Variants in CIZ1 observed in about 807,000 individuals in gnomAD.
CIZ1 encodes the protein cip1-interacting zinc finger protein.
A neutral mutation model predicts 118.6 loss-of-function variants in CIZ1; 58 were observed. That is an observed-to-expected ratio of 0.49 (90% confidence interval 0.40 to 0.61). The LOEUF (loss-of-function observed/expected upper bound fraction) is 0.61. Among genes scored for constraint, CIZ1 ranks in the 20% least tolerant of loss-of-function variants. The probability of loss-of-function intolerance (pLI) is 0.00; values close to 1 mark genes in which losing one functional copy is unlikely to be tolerated. For synonymous variants in CIZ1, 448 were observed against 443.4 expected (o/e 1.01, Z -0.13); for missense variants, 921 against 1,115.9 (o/e 0.83, Z 2.49).
At chr9:128,181,842 G>A in intron 5 of CIZ1, among the ~76,000 whole-genome samples, 1 of 151,862 alleles carries the variant, frequency 6.6e-6, no homozygotes, top group Non-Finnish European at 1.5e-5. Flanking sequence ...TGGAGGGCCT[G>A]ACATCAGTCA....
chr9:128,167,086 G>C lies in CIZ1; in HGVS notation c.2365+9C>G. On this transcript the variant is annotated intron_variant, in intron 15 of 16. Transcript: ENST00000372938. The stretch of plus-strand genomic sequence containing the variant: ...GCTCCTGCAGGTGGGCTCAGAGCTG[G>C]GGCCTTACCATATGCAGTATTGGGG... The C allele has an allele frequency of 6.3e-7, 1 of 1,593,940 alleles. No homozygotes were observed. Among genetic ancestry groups the C allele is most frequent in the South Asian group, 1.1e-5 (1 of 88,086 alleles).
intron 11 of CIZ1, among the ~76,000 whole-genome samples, chr9:128,172,143 G>T (rs1209572654): frequency 3.1e-5 from 2 of 64,794 alleles, no homozygotes; most frequent in Admixed American, 3.0e-4. Context: ...GTGAGACACT[G>T]TCTCAAAAAA....
chr9:128,174,746 G>A (rs1392441356), intron 11 of CIZ1, among the ~76,000 whole-genome samples: 4 of 150,998 alleles, frequency 2.6e-5, no homozygotes, highest in African/African-American at 7.3e-5. Context: ...TGCAACCTCC[G>A]CCCCCAGGTT....
At chr9:128,191,642 G>T (rs1833169848), upstream of CIZ1, 1 of 1,227,466 alleles carries the variant, frequency 8.1e-7, no homozygotes, top group East Asian at 3.3e-5. The surrounding 1 kb of genome is among the most constrained non-coding windows in gnomAD (Gnocchi z 5.5). Context: ...GCCTCCGGCC[G>T]CGCCACCCGA....
rs1833021595 is a variant in CIZ1, at chr9:128,190,668, C to T, written c.170+20G>A. ...CTGAGTAGCAAGGCTGAAGCCATCG[C>T]GCCCGAGAGGGGAACTCACCGGCTG... is the stretch of plus-strand genomic sequence containing the variant. On this transcript the variant is annotated intron_variant, in intron 2 of 16. Transcript: ENST00000372938. 3 of 1,547,666 alleles carry T rather than the reference C, an allele frequency of 1.9e-6. No individual in the cohort carries two copies. Among genetic ancestry groups the T allele is most frequent in the Non-Finnish European group, 2.6e-6 (3 of 1,147,818 alleles).
At position 128,179,509 on chromosome 9, in the gene CIZ1, G is replaced by A. The variant is rs767920787; in HGVS notation, c.792-94C>T. 44 of 1,169,714 alleles carry A rather than the reference G, an allele frequency of 3.8e-5. No homozygotes were observed. The Admixed American group carries it at 4.2e-4, about 11-fold the overall frequency. 72.5% of individuals were successfully genotyped at this position (1,169,714 alleles called of 1,614,324 possible). ...AAAACTAGGCCGAGCGTGGTGGCTC[G>A]CATCTGTAAACCCAGCACTTTGGGA... On this transcript the variant is annotated intron_variant, in intron 7 of 16. Transcript: ENST00000372938.
chr9:128,197,151 C>T (rs1175506539), intron 1 of CIZ1: 1 of 152,230 alleles, frequency 6.6e-6, no homozygotes, highest in African/African-American at 2.4e-5. Flanking sequence ...TCCTTGGGAC[C>T]CAGCTCAGAA....
chr9:128,171,630 G>A (rs1034876197), intron 11 of CIZ1, among the ~76,000 whole-genome samples: 9 of 151,638 alleles, frequency 5.9e-5, no homozygotes, highest in African/African-American at 9.7e-5. Flanking sequence ...CCAGCTACTC[G>A]GGAGGCTGAG....
At chr9:128,188,845 C>A (rs1832772827) in intron 3 of CIZ1, among the ~76,000 whole-genome samples, 1 of 151,510 alleles carries the variant, frequency 6.6e-6, no homozygotes, top group Admixed American at 6.6e-5. Flanking sequence ...TGTTGCTGGG[C>A]TGGAGTACGG....
rs1379050382 is a variant in CIZ1 at position 128,177,710 on chromosome 9, G to A, written c.1674C>T (p.Ser558=). ...LKVTILQSSD[S]RAFSTVPLTP... The stretch of plus-strand genomic sequence containing the variant: ...TCAGGGGTACAGTGCTAAAGGCCCG[G>A]CTGTCACTGCTCTGCAGAATGGTGA... Residue 558 remains serine, a synonymous_variant, in exon 10 of 17, where the codon AGC becomes AGT. Coordinates refer to ENST00000372938, the MANE Select transcript of CIZ1 (RefSeq NM_001131016.2). The A allele has an allele frequency of 2.5e-6, 4 of 1,607,410 alleles. No individual in the cohort carries two copies. The highest frequency in any genetic ancestry group is 1.1e-5 in the South Asian group (1 of 89,738).
chr9:128,177,542 C>CCCCCCGAAAA, intron 10 of CIZ1, 24 bp downstream of exon 10: 4 of 1,229,498 alleles, frequency 3.3e-6, no homozygotes, highest in Non-Finnish European at 3.3e-6. Flanking sequence ...CACCCCTCCC[C>CCCCCCGAAAA]ACCCTTATCT....
At chr9:128,194,615 G>A (rs1220875011), upstream of CIZ1, among the ~76,000 whole-genome samples, 1 of 151,494 alleles carries the variant, frequency 6.6e-6, no homozygotes. Flanking sequence ...TCAGGAGTTC[G>A]AGACCAGCCT....
upstream of CIZ1, chr9:128,191,859 C>A: frequency 6.8e-7 from 1 of 1,475,282 alleles, no homozygotes; most frequent in Middle Eastern, 1.7e-4. This position sits in a 1 kb window ranked among gnomAD's most constrained non-coding sequence, Gnocchi z 5.5. Flanking sequence ...ACCCACCTCC[C>A]TGCGGCCGCC....
chr9:128,170,163 C>T lies in CIZ1; in HGVS notation c.1944-56G>A, dbSNP rs555221999. Reference sequence around the variant, plus strand: ...GTGACGCCAGAAAGACAGCAGCTGTCTGAGAGCGCTCCATAAGTGTAATCC... The same window carrying T: ...GTGACGCCAGAAAGACAGCAGCTGTTTGAGAGCGCTCCATAAGTGTAATCC... On this transcript the variant is annotated intron_variant, in intron 11 of 16. Transcript: ENST00000372938. 9.6e-6 allele frequency: 14 copies of T among 1,454,556 alleles called. No individual in the cohort carries two copies. In the African/African-American group the frequency reaches 1.8e-4, roughly 19 times the overall value. 90.1% of individuals were successfully genotyped at this position (1,454,556 alleles called of 1,614,324 possible).
rs1463183013 is a variant in CIZ1 at position 128,167,155 on chromosome 9, T to C, written c.2305A>G (p.Arg769Gly). 1.3e-6 allele frequency: 2 copies of C among 1,588,024 alleles called. No individual in the cohort carries two copies. The highest frequency in any genetic ancestry group is 2.3e-5 in the South Asian group (2 of 86,578). The change falls in exon 15 of 17, where the codon AGA (arginine) becomes GGA (glycine). Residue 769 changes from arginine (R) to glycine (G), a missense_variant. Coordinates refer to ENST00000372938, the MANE Select transcript of CIZ1 (RefSeq NM_001131016.2). ...TTCCACTCCTCTCTGGATATATCTC[T>C]GGACCTCACCTGAAAACATGCAAGT... ...EEELCKQVRSRDISREEWKGS... is the reference protein window; with the variant it reads ...EEELCKQVRSGDISREEWKGS...
chr9:128,170,105 TC>T lies in CIZ1; in HGVS notation c.1945del (p.Glu649SerfsTer19). On this transcript the variant is annotated frameshift_variant and splice_region_variant, in exon 12 of 17. Coordinates refer to ENST00000372938, the MANE Select transcript of CIZ1 (RefSeq NM_001131016.2). LOFTEE classifies it high-confidence loss of function. ...PRDVLETEDE[E>X]PPPRRWCNTC... ...GTTGCACCAGCGCCTTGGTGGAGGCTCCCTGAATGACAACAGTCAAAGCAAG... is the reference window on the plus strand; with the variant it reads ...GTTGCACCAGCGCCTTGGTGGAGGCTCCTGAATGACAACAGTCAAAGCAAG... 6.4e-7 allele frequency: 1 copy of T among 1,569,174 alleles called. No individual in the cohort carries two copies. The highest frequency in any genetic ancestry group is 8.7e-7 in the Non-Finnish European group (1 of 1,152,880).
chr9:128,190,117 C>A (rs1419963336), intron 3 of CIZ1, among the ~76,000 whole-genome samples: 1 of 152,174 alleles, frequency 6.6e-6, no homozygotes. Context: ...GCACCATGGC[C>A]AAGGACACAC....
intron 11 of CIZ1, among the ~76,000 whole-genome samples, chr9:128,171,108 A>G (rs2130912366): frequency 6.6e-6 from 1 of 152,228 alleles, no homozygotes. Context: ...GGGGCAACAC[A>G]AGACGCTGTC....
intron 1 of CIZ1, 81 bp from the exon 2 acceptor site, chr9:128,190,943 G>A (rs1271427398): frequency 6.8e-7 from 1 of 1,465,386 alleles, no homozygotes; most frequent in Admixed American, 2.4e-5. Flanking sequence ...GCCACTCCCC[G>A]CAGCCACAGC....
Sources: gnomAD v4.1 joint callset for allele counts (sites outside exome capture counted in the v4.1 genomes callset) on GRCh38, gnomAD v4.1.1 for gene constraint, Gnocchi (gnomAD v3.1) non-coding constraint, MANE v1.5 for transcripts, NCBI Gene and HGNC (gene_info 2026-07-23, HGNC 2026-07-21) for gene names.